The following MEF2C variants were observed in gnomAD, a reference collection of about 807,000 sequenced individuals.
The protein encoded by MEF2C is myocyte enhancer factor 2C.
MEF2C carries 6 observed loss-of-function variants against 50.5 expected under a neutral mutation model. That is an observed-to-expected ratio of 0.12 (90% CI 0.07 to 0.23). The LOEUF (loss-of-function observed/expected upper bound fraction) is 0.23, where lower values mean the gene tolerates loss of function less well. Among genes scored for constraint, MEF2C ranks in the 10% least tolerant of loss-of-function variants. The pLI, the probability that MEF2C is intolerant of heterozygous loss-of-function variation, is 1.00. For synonymous variants in MEF2C, 183 were observed against 228.0 expected, an observed-to-expected ratio of 0.80 and a Z score of 1.78; for missense variants, 276 against 605.0, an observed-to-expected ratio of 0.46 and a Z score of 5.70.
chr5:88,788,487 G>A (rs1167972980), intron 3 of MEF2C, among the ~76,000 whole-genome samples: 1 of 151,988 alleles, frequency 6.6e-6, no homozygotes, highest in Non-Finnish European at 1.5e-5. Context: ...TGGGATTACA[G>A]GCATGAGCCA....
chr5:88,759,554 A>G (rs1248753884), intron 4 of MEF2C, among the ~76,000 whole-genome samples: 1 of 152,216 alleles, frequency 6.6e-6, no homozygotes, highest in African/African-American at 2.4e-5. Context: ...TCTAGGCAAA[A>G]TAAAATACCA....
chr5:88,897,493 A>C (rs942653681), intron 1 of MEF2C, among the ~76,000 whole-genome samples: 11 of 152,236 alleles, frequency 7.2e-5, no homozygotes, highest in Non-Finnish European at 2.9e-5. Flanking sequence ...CATACGTTCC[A>C]TAATAAGCAC....
chr5:88,888,726 T>G (rs1004026109), intron 1 of MEF2C, among the ~76,000 whole-genome samples: 6 of 152,094 alleles, frequency 3.9e-5, no homozygotes, highest in Non-Finnish European at 7.4e-5. Flanking sequence ...TAAGGTTTTT[T>G]TTTTTTTTTT....
intron 3 of MEF2C, chr5:88,766,731 T>C: frequency 2.0e-6 from 2 of 985,424 alleles, no homozygotes; most frequent in Non-Finnish European, 2.4e-6. Context: ...TCACACTTTG[T>C]TGCATAGGTA....
In MEF2C at chr5:88,722,659, T is replaced by C; in HGVS notation, c.1367A>G (p.Glu456Gly). 1 of 1,613,898 alleles carries C rather than the reference T, an allele frequency of 6.2e-7. No individual in the cohort carries two copies. The highest frequency in any genetic ancestry group is 8.5e-7 in the Non-Finnish European group (1 of 1,179,860). Residue 456 changes from glutamate (E) to glycine (G), a missense_variant, in exon 11 of 11, where the codon GAA becomes GGA. Glu to Gly is a moderately conservative substitution (Grantham distance 98). This residue lies in a region of MEF2C where 256 missense variants were observed against 468.1 expected (regional missense o/e 0.55). Coordinates refer to ENST00000504921, the MANE Select transcript of MEF2C (RefSeq NM_002397.5). ...PIGLTRPSPD[E>G]RESPSVKRMR... is the part of the protein sequence containing the mutation. The stretch of plus-strand genomic sequence containing the variant: ...GCGCTTGACTGAGGGACTTTCCCTT[T>C]CGTCCGGCGAAGGTCTGGTGAGTCC...
intron 6 of MEF2C, chr5:88,746,573 A>T (rs1769770692): frequency 1.0e-6 from 1 of 985,250 alleles, no homozygotes; most frequent in Admixed American, 6.2e-5. Context: ...TTGAATTTCA[A>T]TGACAATATG....
At chr5:88,779,506 T>G (rs1297857886) in intron 3 of MEF2C, among the ~76,000 whole-genome samples, 2 of 152,142 alleles carry the variant, frequency 1.3e-5, no homozygotes, top group East Asian at 3.9e-4. Flanking sequence ...CAGGAACTTG[T>G]GCACAGTGAA....
At chr5:88,835,100 G>T (rs1814546552) in intron 1 of MEF2C, among the ~76,000 whole-genome samples, 1 of 152,138 alleles carries the variant, frequency 6.6e-6, no homozygotes, top group Admixed American at 6.5e-5. Flanking sequence ...AATGGCCACT[G>T]GTTGAAACAC....
chr5:88,812,654 C>T (rs1054799208), intron 2 of MEF2C, among the ~76,000 whole-genome samples: 3 of 152,146 alleles, frequency 2.0e-5, no homozygotes, highest in South Asian at 2.1e-4. Context: ...TCCCTACATT[C>T]GACAGTATCT....
At chr5:88,731,697 C>A in intron 7 of MEF2C, 32 bp downstream of exon 7, 1 of 1,569,496 alleles carries the variant, frequency 6.4e-7, no homozygotes, top group Non-Finnish European at 8.8e-7. Context: ...AAAACATTAT[C>A]AATATTTATT....
At position 88,751,898 on chromosome 5, in the gene MEF2C, G is replaced by A; in HGVS notation, c.548C>T (p.Ser183Phe). 6.2e-7 allele frequency: 1 copy of A among 1,613,960 alleles called. No homozygotes were observed. Among genetic ancestry groups the A allele is most frequent in the Non-Finnish European group, 8.5e-7 (1 of 1,179,866 alleles). Reference sequence around the variant, plus strand: ...TGGAGGTCGATGTGTTACACCAGGAGACATACTATTCCTCTGCAGAGAAGG... The same window carrying A: ...TGGAGGTCGATGTGTTACACCAGGAAACATACTATTCCTCTGCAGAGAAGG... ...AHPSLQRNSM[S>F]PGVTHRPPSA... Residue 183 changes from serine to phenylalanine, a missense_variant, in exon 5 of 11, where the codon TCT becomes TTT. Physicochemically the swap from Ser to Phe is radical, Grantham distance 155. Coordinates refer to ENST00000504921, the MANE Select transcript of MEF2C (RefSeq NM_002397.5).
chr5:88,870,061 T>C (rs539620459), intron 1 of MEF2C, among the ~76,000 whole-genome samples: 80 of 151,822 alleles, frequency 5.3e-4, no homozygotes, highest in African/African-American at 1.8e-3. Flanking sequence ...TAGGTTTGCT[T>C]TTAGTATGAG....
intron 2 of MEF2C, among the ~76,000 whole-genome samples, chr5:88,820,343 T>A (rs1807687520): frequency 2.0e-5 from 3 of 152,010 alleles, no homozygotes; most frequent in Non-Finnish European, 2.9e-5. Context: ...GAGCTGTCAA[T>A]TTTTATTCTC....
At chr5:88,756,094 C>G (rs1775155259) in intron 4 of MEF2C, among the ~76,000 whole-genome samples, 1 of 152,182 alleles carries the variant, frequency 6.6e-6, no homozygotes, top group South Asian at 2.1e-4. Context: ...ATAAAATATA[C>G]CAAGATCATT....
chr5:88,721,317 A>G lies in MEF2C; in HGVS notation c.*1287T>C, dbSNP rs1756281244. The G allele has an allele frequency of 6.6e-6, 1 of 152,604 alleles. No homozygotes were observed. The highest frequency in any genetic ancestry group is 1.5e-5 in the Non-Finnish European group (1 of 68,022). 9.5% of individuals were successfully genotyped at this position (152,604 alleles called of 1,614,324 possible). ...CCTGCATTTGATAAAAATGCAAAAAACAAAATAAAAATAGCATGAAAGAAA... is the reference window on the plus strand; with the variant it reads ...CCTGCATTTGATAAAAATGCAAAAAGCAAAATAAAAATAGCATGAAAGAAA... On this transcript the variant is annotated 3_prime_UTR_variant, in exon 11 of 11. Coordinates refer to ENST00000504921, the MANE Select transcript of MEF2C (RefSeq NM_002397.5).
intron 10 of MEF2C, among the ~76,000 whole-genome samples, chr5:88,724,591 C>T (rs1371990153): frequency 2.6e-5 from 4 of 152,066 alleles, no homozygotes; most frequent in African/African-American, 7.2e-5. Flanking sequence ...AATTTTCAAA[C>T]ACCTGTTTAT....
rs572529435 is a variant in MEF2C at position 88,803,710 on chromosome 5, G to C, written c.258+888C>G. The stretch of plus-strand genomic sequence containing the variant: ...AAGGGTACTACAAAGTATTTAAATA[G>C]GATCGATGCTGAAAAGGTTTAAAAT... On this transcript the variant is annotated intron_variant, in intron 3 of 10. Transcript: ENST00000504921. Among the ~76,000 whole-genome samples, 5 of 152,154 alleles carry C rather than the reference G, an allele frequency of 3.3e-5. No individual in the cohort carries two copies. In the East Asian group the frequency reaches 9.6e-4, roughly 29 times the overall value.
At chr5:88,763,901 C>T (rs1368423100) in intron 3 of MEF2C, among the ~76,000 whole-genome samples, 1 of 152,148 alleles carries the variant, frequency 6.6e-6, no homozygotes, top group Non-Finnish European at 1.5e-5. Context: ...ATGCTCCTGC[C>T]TCAGCTTCCC....
chr5:88,818,334 T>C (rs958315354), intron 2 of MEF2C, among the ~76,000 whole-genome samples: 2 of 151,972 alleles, frequency 1.3e-5, no homozygotes, highest in Non-Finnish European at 2.9e-5. Context: ...ATATATATGT[T>C]ACTGTAAAAT....
Sources: allele counts gnomAD v4.1 joint callset (sites outside exome capture counted in the v4.1 genomes callset), GRCh38; gene constraint gnomAD v4.1.1; regional missense constraint gnomAD v4.1.1; transcripts MANE v1.5; gene names NCBI Gene and HGNC (gene_info 2026-07-23, HGNC 2026-07-21).